Variants in FARS2 observed in about 807,000 individuals in gnomAD.
The protein encoded by FARS2 is phenylalanine--tRNA ligase, mitochondrial.
A neutral mutation model predicts 46.4 loss-of-function variants in FARS2; 40 were observed. The observed-to-expected ratio is 0.86, with a 90% CI of 0.67 to 1.12. FARS2 has a LOEUF of 1.12. Ranked by LOEUF, FARS2 falls within the 50% of genes most tolerant of loss-of-function variation. FARS2 has a pLI of 0.00. For missense variants in FARS2, 513 were observed against 567.9 expected (o/e 0.90, Z 0.98); for synonymous variants, 234 against 214.9 (o/e 1.09, Z -0.78).
At chr6:5,494,090 T>C (rs970943614) in intron 4 of FARS2, among the ~76,000 whole-genome samples, 1 of 151,984 alleles carries the variant, frequency 6.6e-6, no homozygotes, top group African/African-American at 2.4e-5. Flanking sequence ...GTTGTTTTTC[T>C]CTAGCTCTTG....
chr6:5,643,685 C>T (rs1477152571), intron 6 of FARS2, among the ~76,000 whole-genome samples: 2 of 152,192 alleles, frequency 1.3e-5, no homozygotes, highest in Non-Finnish European at 2.9e-5. Flanking sequence ...GCTAAGACTA[C>T]ACCTTCTGAC....
chr6:5,755,459 G>A (rs1046517913), intron 6 of FARS2, among the ~76,000 whole-genome samples: 32 of 152,072 alleles, frequency 2.1e-4, no homozygotes, highest in African/African-American at 7.5e-4. Flanking sequence ...CTGTTCTTGT[G>A]TTAGTTTGCT....
At chr6:5,652,571 CCT>C (rs908117506) in intron 6 of FARS2, among the ~76,000 whole-genome samples, 2 of 152,250 alleles carry the variant, frequency 1.3e-5, no homozygotes, top group African/African-American at 2.4e-5. Flanking sequence ...TGATGGCTCA[CCT>C]CTCTCAGAAT....
At chr6:5,356,013 C>T (rs1402151350) in intron 1 of FARS2, among the ~76,000 whole-genome samples, 3 of 152,162 alleles carry the variant, frequency 2.0e-5, no homozygotes, top group Non-Finnish European at 4.4e-5. Context: ...TTGCCCGATG[C>T]GCATGTTCCC....
At chr6:5,325,232 A>G (rs1441499546) in intron 1 of FARS2, among the ~76,000 whole-genome samples, 1 of 152,156 alleles carries the variant, frequency 6.6e-6, no homozygotes, top group South Asian at 2.1e-4. Context: ...TCCTGAGTCA[A>G]AGGATAGAGG....
chr6:5,531,057 G>T (rs1048535690), intron 4 of FARS2, among the ~76,000 whole-genome samples: 1 of 152,060 alleles, frequency 6.6e-6, no homozygotes, highest in African/African-American at 2.4e-5. Flanking sequence ...ATATTCTTGA[G>T]TGATAGCATC....
intron 1 of FARS2, among the ~76,000 whole-genome samples, chr6:5,354,647 G>A (rs1269526256): frequency 6.6e-6 from 1 of 151,984 alleles, no homozygotes; most frequent in Non-Finnish European, 1.5e-5. Context: ...CCGAGTAGCT[G>A]GGACTACAGG....
At chr6:5,361,857 T>G (rs1258032911) in intron 1 of FARS2, among the ~76,000 whole-genome samples, 2 of 152,224 alleles carry the variant, frequency 1.3e-5, no homozygotes, top group East Asian at 3.8e-4. Flanking sequence ...ATCAGTCCAG[T>G]ACAGTTTGTG....
rs150716429 is a variant in FARS2 at position 5,721,007 on chromosome 6, C to T, written c.1218-50284C>T. ...GGTCGAGGCTGCAGTGAGCTGTGAT[C>T]ATACCACTATACTCTAGCCTGGGTG... On this transcript the variant is annotated intron_variant, in intron 6 of 6. Coordinates refer to ENST00000274680, the MANE Select transcript of FARS2 (RefSeq NM_006567.5). Among the ~76,000 whole-genome samples the T allele has an allele frequency of 3.9e-3, 593 of 152,300 alleles. 7 individuals are homozygous for T. The highest frequency in any genetic ancestry group is 0.013 in the African/African-American group (527 of 41,560).
At chr6:5,566,491 T>C (rs538754386) in intron 5 of FARS2, among the ~76,000 whole-genome samples, 49 of 152,288 alleles carry the variant, frequency 3.2e-4, no homozygotes, top group Non-Finnish European at 6.2e-4. Flanking sequence ...CAGAGGATTT[T>C]CCCCAAAACA....
At chr6:5,334,677 T>G (rs1771035652) in intron 1 of FARS2, among the ~76,000 whole-genome samples, 1 of 152,230 alleles carries the variant, frequency 6.6e-6, no homozygotes, top group South Asian at 2.1e-4. Flanking sequence ...CATGTATACT[T>G]ATACATACAA....
At chr6:5,619,709 G>A (rs1561757080) in intron 6 of FARS2, among the ~76,000 whole-genome samples, 1 of 151,994 alleles carries the variant, frequency 6.6e-6, no homozygotes, top group Non-Finnish European at 1.5e-5. Context: ...GCACCTTCTC[G>A]GTGTGGCTGG....
intron 1 of FARS2, among the ~76,000 whole-genome samples, chr6:5,319,527 A>C (rs1769814897): frequency 6.6e-6 from 1 of 152,226 alleles, no homozygotes; most frequent in Non-Finnish European, 1.5e-5. Flanking sequence ...ATGCCAATGT[A>C]TAAAACCCCA....
intron 1 of FARS2, among the ~76,000 whole-genome samples, chr6:5,312,897 G>T (rs1769186485): frequency 6.6e-6 from 1 of 152,224 alleles, no homozygotes; most frequent in Non-Finnish European, 1.5e-5. Flanking sequence ...GAATCTGGGG[G>T]ATACTGTCAG....
chr6:5,744,802 C>A (rs1582869552), intron 6 of FARS2, among the ~76,000 whole-genome samples: 1 of 152,218 alleles, frequency 6.6e-6, no homozygotes, highest in African/African-American at 2.4e-5. Flanking sequence ...CACATTAAAT[C>A]TTTCAGTCCT....
At chr6:5,586,008 GA>G (rs1471504157) in intron 5 of FARS2, among the ~76,000 whole-genome samples, 2 of 152,110 alleles carry the variant, frequency 1.3e-5, no homozygotes, top group East Asian at 1.9e-4. Context: ...TTTCCATAAT[GA>G]TTTTTTTTCA....
chr6:5,609,493 C>G lies in FARS2; in HGVS notation c.1066-3676C>G, dbSNP rs921643885. On this transcript the variant is annotated intron_variant, in intron 5 of 6. Transcript: ENST00000274680. ...GCCCTGCCACCATATCCACCACCATCATGGCTGCCACCAAAGCCACCATGA... is the reference window on the plus strand; with the variant it reads ...GCCCTGCCACCATATCCACCACCATGATGGCTGCCACCAAAGCCACCATGA... 4 of 1,227,198 alleles carry G rather than the reference C, an allele frequency of 3.3e-6. No individual in the cohort carries two copies. The South Asian group carries it at 4.8e-5, about 15-fold the overall frequency. The allele number at this position is 1,227,198 out of a possible 1,614,324, so 76.0% of individuals were successfully genotyped here.
chr6:5,341,212 TATATATATATA>T (rs1771567566), intron 1 of FARS2, among the ~76,000 whole-genome samples: 8 of 6,482 alleles, frequency 1.2e-3, no homozygotes, highest in African/African-American at 3.6e-3. Context: ...TATATATATA[TATATATATATA>T]TATATATATA....
intron 4 of FARS2, among the ~76,000 whole-genome samples, chr6:5,483,454 G>A (rs1561653277): frequency 6.6e-6 from 1 of 152,084 alleles, no homozygotes; most frequent in Non-Finnish European, 1.5e-5. Context: ...GGTCACCTGA[G>A]GTCACGAGGT....
Sources: gnomAD v4.1 joint callset for allele counts (sites outside exome capture counted in the v4.1 genomes callset) on GRCh38, gnomAD v4.1.1 for gene constraint, MANE v1.5 for transcripts, NCBI Gene and HGNC (gene_info 2026-07-23, HGNC 2026-07-21) for gene names.